The following CPS1 variants were observed in gnomAD, a reference collection of about 807,000 sequenced individuals.
CPS1 encodes the protein carbamoyl-phosphate synthase 1, also known as carbamoyl-phosphate synthase [ammonia], mitochondrial.
In CPS1, 109 loss-of-function variants were observed where a neutral mutation model predicts 174.6. That is an observed-to-expected ratio of 0.62 (90% CI 0.53 to 0.73). The LOEUF (loss-of-function observed/expected upper bound fraction) is 0.73, where lower values mean the gene tolerates loss of function less well. CPS1 is among the 30% of genes least tolerant of loss of function. The pLI, the probability that CPS1 is intolerant of heterozygous loss-of-function variation, is 0.00. For synonymous variants in CPS1, 637 were observed against 632.0 expected (o/e 1.01, Z -0.12); for missense variants, 1,689 against 1,821.9 (o/e 0.93, Z 1.33).
chr2:210,604,375 C>G (rs1698831644), intron 16 of CPS1, among the ~76,000 whole-genome samples: 1 of 151,886 alleles, frequency 6.6e-6, no homozygotes, highest in Admixed American at 6.6e-5. Context: ...CTTGGATTAT[C>G]AGCCACTGCA....
chr2:210,610,772 G>T (rs185782613), intron 19 of CPS1, among the ~76,000 whole-genome samples: 23 of 151,742 alleles, frequency 1.5e-4, no homozygotes, highest in Non-Finnish European at 2.7e-4. Flanking sequence ...AAAATATATA[G>T]AGAGAGTATT....
intron 2 of CPS1, among the ~76,000 whole-genome samples, chr2:210,574,978 T>C (rs1010427919): frequency 1.3e-5 from 2 of 152,112 alleles, no homozygotes; most frequent in African/African-American, 4.8e-5. Context: ...CCTCACTCAG[T>C]AAGGTGGTTG....
At chr2:210,507,559 T>A (rs1695324082) in intron 1 of CPS1, among the ~76,000 whole-genome samples, 1 of 151,428 alleles carries the variant, frequency 6.6e-6, no homozygotes, top group African/African-American at 2.4e-5. Flanking sequence ...GGCTAAATGC[T>A]CCAATTAAAA....
intron 21 of CPS1, among the ~76,000 whole-genome samples, chr2:210,632,349 G>A (rs1699895307): frequency 6.6e-6 from 1 of 152,140 alleles, no homozygotes. Flanking sequence ...GTATTTATTT[G>A]ACTCTGAGGA....
chr2:210,520,465 T>C (rs1912267), intron 1 of CPS1, among the ~76,000 whole-genome samples: 145,777 of 152,042 alleles, frequency 0.96, 70,182 homozygotes, highest in East Asian at 1. Flanking sequence ...CCTCCCCTTG[T>C]CCTCCACCTC....
intron 20 of CPS1, among the ~76,000 whole-genome samples, chr2:210,613,438 T>A (rs1202238825): frequency 1.3e-5 from 2 of 151,930 alleles, no homozygotes; most frequent in Non-Finnish European, 2.9e-5. Flanking sequence ...TTAGAATTTT[T>A]CTCTGGCGGT....
In CPS1 at chr2:210,647,866, T is replaced by C; in HGVS notation, c.3145T>C (p.Cys1049Arg). 2 of 1,613,940 alleles carry C rather than the reference T, an allele frequency of 1.2e-6. No homozygotes were observed. Among genetic ancestry groups the C allele is most frequent in the Non-Finnish European group, 1.7e-6 (2 of 1,179,870 alleles). Residue 1049 changes from cysteine (C) to arginine (R), a missense_variant, in exon 26 of 38, where the codon TGT becomes CGT. By Grantham distance (180) the Cys-to-Arg change is radical. Coordinates refer to ENST00000233072, the MANE Select transcript of CPS1 (RefSeq NM_001875.5). ...RILDIYHQEA[C>R]GGCIISVGGQ... Reference sequence around the variant, plus strand: ...ATATTGTGAGTGTATTTTCCAGGCATGTGGTGGCTGCATCATATCAGTTGG... The same window carrying C: ...ATATTGTGAGTGTATTTTCCAGGCACGTGGTGGCTGCATCATATCAGTTGG...
At chr2:210,569,194 T>C (rs1347756266) in intron 1 of CPS1, among the ~76,000 whole-genome samples, 1 of 151,870 alleles carries the variant, frequency 6.6e-6, no homozygotes, top group Non-Finnish European at 1.5e-5. Context: ...TGTGATGAAA[T>C]AGATAATAAA....
At position 210,648,517 on chromosome 2, in the gene CPS1, G is replaced by A. The variant is rs762776050; in HGVS notation, c.3381G>A (p.Leu1127=). ...CAAAGTCTGTGGACTACCCCTGCTT[G>A]TTGAGGCCTTCCTATGTTTTGAGGT... ...EFAKSVDYPC[L]LRPSYVLSGS... The change falls in exon 27 of 38, where the codon TTG becomes TTA. Residue 1127 remains leucine, a synonymous_variant. Coordinates refer to ENST00000233072, the MANE Select transcript of CPS1 (RefSeq NM_001875.5). 1.2e-6 allele frequency: 2 copies of A among 1,613,528 alleles called. No individual in the cohort carries two copies. The highest frequency in any genetic ancestry group is 2.7e-5 in the African/African-American group (2 of 74,916).
intron 1 of CPS1, among the ~76,000 whole-genome samples, chr2:210,522,518 G>C (rs1320286649): frequency 1.3e-5 from 2 of 152,086 alleles, no homozygotes; most frequent in African/African-American, 2.4e-5. Context: ...AAATGTGAGT[G>C]AGATACTCTG....
chr2:210,544,837 G>A (rs1289894788), intron 1 of CPS1, among the ~76,000 whole-genome samples: 1 of 151,984 alleles, frequency 6.6e-6, no homozygotes, highest in African/African-American at 2.4e-5. Flanking sequence ...TTTAGGGAAT[G>A]TATTTACTGA....
chr2:210,571,243 G>A (rs1031187488), intron 1 of CPS1, among the ~76,000 whole-genome samples: 10 of 152,010 alleles, frequency 6.6e-5, no homozygotes, highest in African/African-American at 2.4e-4. Flanking sequence ...TGTCAAGCTT[G>A]AGATTTCAAA....
chr2:210,554,104 CACATATAT>C (rs1696807712), upstream of CPS1, among the ~76,000 whole-genome samples: 1 of 142,908 alleles, frequency 7.0e-6, no homozygotes, highest in Non-Finnish European at 1.5e-5. Context: ...TATGTATATA[CACATATAT>C]ATATGTATGT....
intron 29 of CPS1, among the ~76,000 whole-genome samples, chr2:210,654,901 A>C (rs1019863018): frequency 6.6e-6 from 1 of 152,210 alleles, no homozygotes; most frequent in South Asian, 2.1e-4. Context: ...ATCTACTTAC[A>C]ACAGAATCAC....
intron 1 of CPS1, among the ~76,000 whole-genome samples, chr2:210,491,511 C>T (rs1052573332): frequency 6.6e-6 from 1 of 151,916 alleles, no homozygotes; most frequent in Non-Finnish European, 1.5e-5. Flanking sequence ...GATGGGGTTT[C>T]ACTATGTTAG....
intron 1 of CPS1, among the ~76,000 whole-genome samples, chr2:210,502,171 C>A (rs1011203022): frequency 4.6e-5 from 7 of 151,900 alleles, no homozygotes; most frequent in African/African-American, 1.5e-4. Context: ...CTGGTCCCAC[C>A]CTTGACACGT....
At chr2:210,534,931 A>G (rs530656904) in intron 1 of CPS1, among the ~76,000 whole-genome samples, 15 of 152,254 alleles carry the variant, frequency 9.9e-5, no homozygotes, top group African/African-American at 3.1e-4. Context: ...TTTTGCTGAG[A>G]CATAGCAGTT....
chr2:210,526,634 C>T (rs1447338162), intron 1 of CPS1, among the ~76,000 whole-genome samples: 1 of 151,862 alleles, frequency 6.6e-6, no homozygotes. Context: ...CCTGCCACCC[C>T]TACCCCACAC....
intron 21 of CPS1, among the ~76,000 whole-genome samples, chr2:210,622,144 G>A (rs188353826): frequency 4.0e-4 from 61 of 151,396 alleles, no homozygotes; most frequent in African/African-American, 1.4e-3. Flanking sequence ...AGTAAACATT[G>A]TTTTTATGTA....
Sources: gnomAD v4.1 joint callset for allele counts (sites outside exome capture counted in the v4.1 genomes callset) on GRCh38, gnomAD v4.1.1 for gene constraint, MANE v1.5 for transcripts, NCBI Gene and HGNC (gene_info 2026-07-23, HGNC 2026-07-21) for gene names.